USH2A: variants seen among roughly 807,000 people sequenced by gnomAD.
USH2A encodes the protein Usher syndrome 2A (autosomal recessive, mild).
A neutral mutation model predicts 538.9 loss-of-function variants in USH2A; 443 were observed. The ratio of observed to expected loss-of-function variants is 0.82; its 90% CI spans 0.76 to 0.89. The LOEUF is 0.89. USH2A is among the 40% of genes least tolerant of loss of function. The pLI, the probability that USH2A is intolerant of heterozygous loss-of-function variation, is 0.00. For missense variants in USH2A, 6,633 were observed against 6,324.8 expected, an observed-to-expected ratio of 1.05 and a Z score of -1.65; for synonymous variants, 2,413 against 2,273.5, an observed-to-expected ratio of 1.06 and a Z score of -1.75.
chr1:215,857,132 A>G (rs1408896501), intron 44 of USH2A, among the ~76,000 whole-genome samples: 2 of 152,108 alleles, frequency 1.3e-5, no homozygotes, highest in Non-Finnish European at 2.9e-5. Context: ...TGCTTGGGTG[A>G]TGGGTGCACC....
At chr1:216,231,271 TA>T (rs1344572380) in intron 14 of USH2A, among the ~76,000 whole-genome samples, 1 of 113,328 alleles carries the variant, frequency 8.8e-6, no homozygotes, top group African/African-American at 3.2e-5. Flanking sequence ...TATATATATA[TA>T]ATATATATAC....
At chr1:215,682,338 A>G (rs1658262669) in intron 61 of USH2A, among the ~76,000 whole-genome samples, 1 of 152,172 alleles carries the variant, frequency 6.6e-6, no homozygotes, top group Non-Finnish European at 1.5e-5. Context: ...GTGGGCTATA[A>G]AGCAAAAACA....
At chr1:215,755,028 A>G (rs1189070950) in intron 58 of USH2A, among the ~76,000 whole-genome samples, 1 of 152,104 alleles carries the variant, frequency 6.6e-6, no homozygotes, top group Non-Finnish European at 1.5e-5. Context: ...GCCACTACAC[A>G]CCCAGTCAAA....
At chr1:215,629,773 C>CTTTTTTTTTTT (rs34349385) in intron 70 of USH2A, among the ~76,000 whole-genome samples, 24 of 125,036 alleles carry the variant, frequency 1.9e-4, no homozygotes, top group Middle Eastern at 4.3e-3. Context: ...CTTTTCTTTT[C>CTTTTTTTTTTT]TTTTTTTTTT....
rs1034534223 is a variant in USH2A, at chr1:216,088,253, C to T, written c.4885+760G>A. On this transcript the variant is annotated intron_variant, in intron 23 of 71. Transcript: ENST00000307340. ...AGAGAGACCTTTCTTAACACACACACGCACATACACACACAACTTTCCCTC... is the reference window on the plus strand; with the variant it reads ...AGAGAGACCTTTCTTAACACACACATGCACATACACACACAACTTTCCCTC... 3.9e-5 allele frequency among the ~76,000 whole-genome samples: 6 copies of T among 152,070 alleles called. No homozygotes were observed. The East Asian group carries it at 5.8e-4, about 15-fold the overall frequency.
chr1:216,088,005 C>G (rs187605297), intron 23 of USH2A, among the ~76,000 whole-genome samples: 48 of 152,300 alleles, frequency 3.2e-4, no homozygotes, highest in African/African-American at 1.2e-3. Flanking sequence ...CCCATATAAT[C>G]TGATCCCTAA....
At chr1:215,791,582 C>T (rs554004057) in intron 50 of USH2A, among the ~76,000 whole-genome samples, 1 of 152,272 alleles carries the variant, frequency 6.6e-6, no homozygotes, top group Non-Finnish European at 1.5e-5. Flanking sequence ...TAATGATATA[C>T]ACTGATTCTA....
chr1:216,421,738 A>G (rs1256181672), intron 2 of USH2A, 114 bp downstream of exon 2: 1 of 1,527,294 alleles, frequency 6.5e-7, no homozygotes, highest in South Asian at 1.1e-5. Context: ...GTTAGTCTTC[A>G]ATACCATGAA....
At chr1:216,320,711 AGTTACAATTTGTTCAT>A (rs2037589410) in intron 9 of USH2A, among the ~76,000 whole-genome samples, 1 of 152,178 alleles carries the variant, frequency 6.6e-6, no homozygotes, top group Non-Finnish European at 1.5e-5. Flanking sequence ...TGTTTATTAA[AGTTACAATTTGTTCAT>A]TTGTAAATTG....
At chr1:215,931,779 A>G (rs924543187) in intron 38 of USH2A, among the ~76,000 whole-genome samples, 1 of 152,032 alleles carries the variant, frequency 6.6e-6, no homozygotes, top group Non-Finnish European at 1.5e-5. Flanking sequence ...TGTGAGTAAG[A>G]AACAGTTCCT....
chr1:216,156,699 C>A (rs957823298), intron 21 of USH2A, among the ~76,000 whole-genome samples: 1 of 152,022 alleles, frequency 6.6e-6, no homozygotes, highest in East Asian at 1.9e-4. Flanking sequence ...ACTAAAGTGT[C>A]TCTGCACACA....
At chr1:216,147,255 ATTC>A (rs1418854717) in intron 21 of USH2A, among the ~76,000 whole-genome samples, 1 of 151,788 alleles carries the variant, frequency 6.6e-6, no homozygotes, top group Middle Eastern at 3.2e-3. Context: ...CTAGGTCCCA[ATTC>A]TTCCTCAGCC....
chr1:215,685,917 C>T (rs1015717808), intron 61 of USH2A, among the ~76,000 whole-genome samples: 1 of 151,974 alleles, frequency 6.6e-6, no homozygotes, highest in Non-Finnish European at 1.5e-5. Flanking sequence ...AGAGTTGCTC[C>T]GGAATCAAAG....
At chr1:216,035,728 A>G (rs1414926805) in intron 32 of USH2A, among the ~76,000 whole-genome samples, 1 of 152,196 alleles carries the variant, frequency 6.6e-6, no homozygotes, top group Non-Finnish European at 1.5e-5. Context: ...CAAATTATGC[A>G]TTGGTATTTA....
chr1:215,984,895 G>T (rs940477008), intron 35 of USH2A, among the ~76,000 whole-genome samples: 7 of 152,168 alleles, frequency 4.6e-5, no homozygotes, highest in Non-Finnish European at 8.8e-5. Context: ...GTGAATACTT[G>T]ATCCTTCAAT....
intron 9 of USH2A, among the ~76,000 whole-genome samples, chr1:216,311,318 GTTGT>G (rs2037416094): frequency 6.6e-6 from 1 of 152,134 alleles, no homozygotes; most frequent in African/African-American, 2.4e-5. Context: ...GGGGAAGCTG[GTTGT>G]TTACCTCAAT....
At chr1:215,697,252 C>T (rs556088030) in intron 61 of USH2A, among the ~76,000 whole-genome samples, 3 of 152,134 alleles carry the variant, frequency 2.0e-5, no homozygotes, top group African/African-American at 7.2e-5. Context: ...AGTCACCTCA[C>T]CTGGCCTGCC....
chr1:216,262,523 CAGAA>C (rs1480693832), intron 11 of USH2A, among the ~76,000 whole-genome samples: 3 of 151,690 alleles, frequency 2.0e-5, no homozygotes, highest in African/African-American at 7.3e-5. Context: ...CTCAAGCAGA[CAGAA>C]AGAAAAAGAA....
intron 9 of USH2A, among the ~76,000 whole-genome samples, chr1:216,317,352 T>C (rs2037527650): frequency 6.6e-6 from 1 of 151,906 alleles, no homozygotes; most frequent in Non-Finnish European, 1.5e-5. Flanking sequence ...TGAGAACACA[T>C]GGACACATGT....
Sources: gnomAD v4.1 joint callset for allele counts (sites outside exome capture counted in the v4.1 genomes callset) on GRCh38, gnomAD v4.1.1 for gene constraint, MANE v1.5 for transcripts, NCBI Gene and HGNC (gene_info 2026-07-23, HGNC 2026-07-21) for gene names.